The following IMPG2 variants were observed in gnomAD, a reference collection of about 807,000 sequenced individuals.
IMPG2 encodes the protein interphotoreceptor matrix proteoglycan 2.
In IMPG2, 91 loss-of-function variants were observed where a neutral mutation model predicts 129.2. That is an observed-to-expected ratio of 0.70 (90% confidence interval 0.59 to 0.84). The LOEUF is 0.84. Among genes scored for constraint, IMPG2 ranks in the 40% least tolerant of loss-of-function variants. The pLI is 0.00. For synonymous variants in IMPG2, 510 were observed against 517.7 expected (o/e 0.99, Z 0.20); for missense variants, 1,430 against 1,461.7 (o/e 0.98, Z 0.35).
intron 14 of IMPG2, among the ~76,000 whole-genome samples, chr3:101,239,904 C>T (rs2107215110): frequency 6.6e-6 from 1 of 152,160 alleles, no homozygotes. Context: ...GAACATCACA[C>T]ATGGGGGCCT....
chr3:101,273,839 G>A, intron 6 of IMPG2, 97 bp from the exon 7 acceptor site: 1 of 1,178,966 alleles, frequency 8.5e-7, no homozygotes, highest in Non-Finnish European at 1.2e-6. Flanking sequence ...TGTGCTAAAG[G>A]CAGCTTCTGA....
chr3:101,317,833 C>G (rs2058792898), intron 2 of IMPG2, among the ~76,000 whole-genome samples: 1 of 152,088 alleles, frequency 6.6e-6, no homozygotes, highest in Non-Finnish European at 1.5e-5. Flanking sequence ...GCAAAGCAAT[C>G]AAAAGGTATG....
Position 101,257,706 on chromosome 3 carries a change from T to C in IMPG2, c.976A>G (p.Ile326Val). 1 of 1,613,450 alleles carries C rather than the reference T, an allele frequency of 6.2e-7. No individual in the cohort carries two copies. Among genetic ancestry groups the C allele is most frequent in the South Asian group, 1.1e-5 (1 of 91,070 alleles). ...EAISNTTWDLISLHSNKVENH... is the reference protein window; with the variant it reads ...EAISNTTWDLVSLHSNKVENH... ...TCCACCTTGTTGGAGTGAAGGCTAA[T>C]GAGGTCCCAGGTGGTATTGCTGATG... Residue 326 changes from isoleucine to valine, a missense_variant, in exon 10 of 19, where the codon ATT (isoleucine) becomes GTT (valine). Physicochemically the swap from Ile to Val is conservative, Grantham distance 29 (BLOSUM62 3). Coordinates refer to ENST00000193391, the MANE Select transcript of IMPG2 (RefSeq NM_016247.4).
chr3:101,281,376 GAGAA>G (rs958925257), intron 4 of IMPG2, among the ~76,000 whole-genome samples: 1 of 152,172 alleles, frequency 6.6e-6, no homozygotes, highest in Admixed American at 6.5e-5. Context: ...GGAGACTCAG[GAGAA>G]AGAGAGAAAC....
intron 3 of IMPG2, among the ~76,000 whole-genome samples, chr3:101,291,905 A>C (rs1367098088): frequency 6.6e-6 from 1 of 152,222 alleles, no homozygotes; most frequent in African/African-American, 2.4e-5. Context: ...CAATGTAAAC[A>C]TGTGGATAAA....
chr3:101,284,263 A>G (rs909943186), intron 4 of IMPG2, among the ~76,000 whole-genome samples: 3 of 152,224 alleles, frequency 2.0e-5, no homozygotes, highest in African/African-American at 7.2e-5. Flanking sequence ...TGACATTCAC[A>G]TAGAGATGTC....
intron 16 of IMPG2, 36 bp downstream of exon 16, chr3:101,230,921 A>G (rs1306786166): frequency 6.4e-7 from 1 of 1,572,526 alleles, no homozygotes; most frequent in African/African-American, 1.3e-5. Context: ...TAAATGGAAC[A>G]TTGTATTCCA....
chr3:101,280,675 G>A (rs1015801290), intron 4 of IMPG2, among the ~76,000 whole-genome samples: 3 of 152,296 alleles, frequency 2.0e-5, no homozygotes, highest in Middle Eastern at 3.4e-3. Flanking sequence ...GCCAGGCACA[G>A]TGGCTCATGC....
chr3:101,266,176 A>G (rs1230171158), intron 9 of IMPG2, among the ~76,000 whole-genome samples: 1 of 152,186 alleles, frequency 6.6e-6, no homozygotes, highest in African/African-American at 2.4e-5. Context: ...GAAGTACCAT[A>G]TGATCCAGCA....
Position 101,244,291 on chromosome 3 carries a change from C to A in IMPG2, c.2040G>T (p.Glu680Asp), listed in dbSNP as rs963116120. 2 of 1,614,028 alleles carry A rather than the reference C, an allele frequency of 1.2e-6. No homozygotes were observed. Among genetic ancestry groups the A allele is most frequent in the Non-Finnish European group, 1.7e-6 (2 of 1,179,990 alleles). ...DDRSTHFPEE[E>D]PLSGPAVPIF... ...TGGGCACAGCAGGCCCACTAAGAGG[C>A]TCTTCCTCTGGAAAGTGTGTGGATC... Residue 680 changes from glutamate to aspartate, a missense_variant, in exon 13 of 19, where the codon GAG (glutamate) becomes GAT (aspartate). By Grantham distance (45) the Glu-to-Asp change is conservative (BLOSUM62 2). Coordinates refer to ENST00000193391, the MANE Select transcript of IMPG2 (RefSeq NM_016247.4).
intron 15 of IMPG2, 39 bp downstream of exon 15, chr3:101,232,742 C>A (rs1488785608): frequency 6.4e-7 from 1 of 1,552,244 alleles, no homozygotes; most frequent in African/African-American, 1.4e-5. Context: ...GAGGAAATAT[C>A]TATAGCCTCT....
At chr3:101,270,268 C>A (rs569364830) in intron 7 of IMPG2, among the ~76,000 whole-genome samples, 7 of 152,166 alleles carry the variant, frequency 4.6e-5, no homozygotes, top group African/African-American at 1.7e-4. Flanking sequence ...CTGGCCACAG[C>A]ACACACACTG....
intron 11 of IMPG2, among the ~76,000 whole-genome samples, chr3:101,252,434 A>T (rs1490550861): frequency 6.6e-6 from 1 of 152,098 alleles, no homozygotes; most frequent in Non-Finnish European, 1.5e-5. Context: ...TGGCGCTGTC[A>T]TCACTCCCTG....
chr3:101,257,545 G>T lies in IMPG2; in HGVS notation c.1137C>A (p.Ser379=). The change falls in exon 10 of 19, where the codon TCC becomes TCA. Residue 379 remains serine, a synonymous_variant. Coordinates refer to ENST00000193391, the MANE Select transcript of IMPG2 (RefSeq NM_016247.4). The part of the protein sequence containing the change: ...GNSSLNPDPD[S]LQLINVRGVL... ...CAAACTCACCATTGATAAGCTGCAG[G>T]GAATCAGGATCTGGATTCAAGGAAG... The T allele has an allele frequency of 6.2e-7, 1 of 1,613,286 alleles. No individual in the cohort carries two copies. Among genetic ancestry groups the T allele is most frequent in the African/African-American group, 1.3e-5 (1 of 74,974 alleles).
intron 18 of IMPG2, among the ~76,000 whole-genome samples, chr3:101,227,561 T>C (rs1018259126): frequency 1.3e-5 from 2 of 152,256 alleles, no homozygotes; most frequent in African/African-American, 4.8e-5. Context: ...GAGAGGCTTC[T>C]AAAGGGTTGA....
intron 4 of IMPG2, among the ~76,000 whole-genome samples, chr3:101,286,804 T>C (rs1706950419): frequency 6.6e-6 from 1 of 152,116 alleles, no homozygotes; most frequent in South Asian, 2.1e-4. Context: ...TTCCAGCTGA[T>C]GCACAGAAAG....
intron 3 of IMPG2, among the ~76,000 whole-genome samples, chr3:101,296,460 G>A (rs1451961216): frequency 6.6e-6 from 1 of 152,144 alleles, no homozygotes; most frequent in East Asian, 1.9e-4. Flanking sequence ...GCTGGATTGG[G>A]TTTGCCAGTA....
At chr3:101,268,102 G>A (rs1706741006) in intron 8 of IMPG2, among the ~76,000 whole-genome samples, 1 of 152,194 alleles carries the variant, frequency 6.6e-6, no homozygotes, top group South Asian at 2.1e-4. Flanking sequence ...TATAGGTATA[G>A]AAACTACAGA....
At chr3:101,309,476 C>G (rs2107141290) in intron 2 of IMPG2, among the ~76,000 whole-genome samples, 1 of 152,264 alleles carries the variant, frequency 6.6e-6, no homozygotes, top group East Asian at 1.9e-4. Context: ...GAGAAGTGCT[C>G]TCTCTCAAGT....
Sources: allele counts gnomAD v4.1 joint callset (sites outside exome capture counted in the v4.1 genomes callset), GRCh38; gene constraint gnomAD v4.1.1; transcripts MANE v1.5; gene names NCBI Gene and HGNC (gene_info 2026-07-23, HGNC 2026-07-21).